CENPP: variants seen among roughly 807,000 people sequenced by gnomAD.
CENPP encodes the protein centromere protein P.
CENPP carries 24 observed loss-of-function variants against 35.6 expected under a neutral mutation model. The observed-to-expected ratio is 0.67, with a 90% confidence interval of 0.49 to 0.95. The LOEUF is 0.95. Among genes scored for constraint, CENPP ranks in the 40% least tolerant of loss-of-function variants. CENPP has a pLI of 0.00. For missense variants in CENPP, 332 were observed against 345.3 expected (o/e 0.96, Z 0.31); for synonymous variants, 120 against 125.5 (o/e 0.96, Z 0.29).
At chr9:92,551,403 C>T (rs1315260269) in intron 5 of CENPP, among the ~76,000 whole-genome samples, 1 of 152,110 alleles carries the variant, frequency 6.6e-6, no homozygotes. Flanking sequence ...AGTGGCACAA[C>T]CATGGCTTAC....
chr9:92,450,626 G>A (rs1259873039), intron 5 of CENPP, among the ~76,000 whole-genome samples: 1 of 152,126 alleles, frequency 6.6e-6, no homozygotes, highest in African/African-American at 2.4e-5. Context: ...TGGGATGTCT[G>A]GGTCTAATGG....
intron 5 of CENPP, chr9:92,502,652 C>A (rs754170132): frequency 1.3e-6 from 2 of 1,562,304 alleles, no homozygotes; most frequent in Non-Finnish European, 1.8e-6. Flanking sequence ...AGGTATAATT[C>A]CTATAATTAA....
At chr9:92,443,704 G>C (rs1191843803) in intron 5 of CENPP, among the ~76,000 whole-genome samples, 1 of 151,662 alleles carries the variant, frequency 6.6e-6, no homozygotes, top group Non-Finnish European at 1.5e-5. Flanking sequence ...CTGTCCCCCA[G>C]GCTGGAGTGC....
chr9:92,408,342 C>T (rs748061853), intron 5 of CENPP, among the ~76,000 whole-genome samples: 17 of 152,136 alleles, frequency 1.1e-4, no homozygotes, highest in Non-Finnish European at 1.8e-4. Context: ...TGCGCCACCA[C>T]GCCCAGCTAA....
chr9:92,605,208 C>T (rs1322354956), intron 5 of CENPP, among the ~76,000 whole-genome samples: 3 of 152,138 alleles, frequency 2.0e-5, no homozygotes, highest in Admixed American at 6.5e-5. Context: ...AGGCTGGTCT[C>T]GAACTCCTGG....
intron 5 of CENPP, chr9:92,460,535 C>G: frequency 6.3e-7 from 1 of 1,599,232 alleles, no homozygotes; most frequent in Non-Finnish European, 8.6e-7. Context: ...TTATTATAAT[C>G]TAAGTGAAGC....
chr9:92,584,204 C>T (rs531537937), intron 5 of CENPP, among the ~76,000 whole-genome samples: 1 of 152,240 alleles, frequency 6.6e-6, no homozygotes, highest in Non-Finnish European at 1.5e-5. Flanking sequence ...AAACAAGTCC[C>T]TGGCTGCAGT....
intron 5 of CENPP, chr9:92,494,272 T>C: frequency 1.2e-6 from 1 of 844,500 alleles, no homozygotes; most frequent in Non-Finnish European, 1.8e-6. Flanking sequence ...ATACTAATTT[T>C]GTTTACAGCT....
intron 5 of CENPP, among the ~76,000 whole-genome samples, chr9:92,532,028 T>A (rs1400721213): frequency 3.9e-5 from 5 of 129,824 alleles, no homozygotes; most frequent in South Asian, 2.3e-4. Flanking sequence ...TTTTTTTTTT[T>A]ATTTTATTTT....
At chr9:92,389,797 C>CT in intron 5 of CENPP, 1 of 1,187,216 alleles carries the variant, frequency 8.4e-7, no homozygotes, top group African/African-American at 1.5e-5. Flanking sequence ...CAAAGTTTCT[C>CT]TTTTATCTAT....
At chr9:92,345,662 C>A in intron 3 of CENPP, 37 bp from the exon 4 acceptor site, 1 of 1,164,956 alleles carries the variant, frequency 8.6e-7, no homozygotes, top group Non-Finnish European at 1.3e-6. Context: ...TTGAAGTTTA[C>A]TGTGCTTTGA....
chr9:92,531,053 A>G (rs952728264), intron 5 of CENPP, among the ~76,000 whole-genome samples: 6 of 152,088 alleles, frequency 3.9e-5, no homozygotes, highest in Non-Finnish European at 8.8e-5. Flanking sequence ...TTAGTGGCAT[A>G]TTGTGGAGTT....
At chr9:92,501,164 G>T in intron 5 of CENPP, 1 of 1,076,948 alleles carries the variant, frequency 9.3e-7, no homozygotes. Flanking sequence ...TAAGCACCCA[G>T]TTTGTAGTGA....
chr9:92,421,753 A>C (rs1413640442), intron 5 of CENPP, among the ~76,000 whole-genome samples: 2 of 152,244 alleles, frequency 1.3e-5, no homozygotes, highest in Non-Finnish European at 2.9e-5. Context: ...GAAGACGTGA[A>C]GCCATAGTCC....
chr9:92,479,609 T>C (rs944739933), intron 5 of CENPP, among the ~76,000 whole-genome samples: 1 of 152,216 alleles, frequency 6.6e-6, no homozygotes, highest in African/African-American at 2.4e-5. Context: ...TCTTCCACAG[T>C]TGTCCATCCA....
intron 5 of CENPP, among the ~76,000 whole-genome samples, chr9:92,492,882 G>A (rs969166741): frequency 6.6e-6 from 1 of 152,178 alleles, no homozygotes; most frequent in African/African-American, 2.4e-5. Flanking sequence ...CTGCAAGGAG[G>A]TTGGTGAGCT....
intron 5 of CENPP, among the ~76,000 whole-genome samples, chr9:92,564,865 G>A (rs1849928669): frequency 6.6e-6 from 1 of 152,162 alleles, no homozygotes; most frequent in Admixed American, 6.6e-5. Context: ...GACTCTTTAT[G>A]TAGGTCATTT....
intron 5 of CENPP, among the ~76,000 whole-genome samples, chr9:92,595,041 C>T (rs575530027): frequency 1.3e-5 from 2 of 151,866 alleles, no homozygotes; most frequent in Non-Finnish European, 2.9e-5. Context: ...GGATTATAGG[C>T]GCAAGCCACC....
intron 5 of CENPP, among the ~76,000 whole-genome samples, chr9:92,514,124 CTTTTTTT>C (rs34816093): frequency 7.3e-6 from 1 of 136,298 alleles, no homozygotes; most frequent in African/African-American, 2.7e-5. Context: ...GAATCGTTCA[CTTTTTTT>C]TTTTTTTTTT....
Sources: allele counts gnomAD v4.1 joint callset (sites outside exome capture counted in the v4.1 genomes callset), GRCh38; gene constraint gnomAD v4.1.1; transcripts MANE v1.5; gene names NCBI Gene and HGNC (gene_info 2026-07-23, HGNC 2026-07-21).